FAM193A: variants seen among roughly 807,000 people sequenced by gnomAD.
FAM193A encodes protein FAM193A.
In FAM193A, 22 loss-of-function variants were observed where a neutral mutation model predicts 126.5. That is an observed-to-expected ratio of 0.17 (90% CI 0.12 to 0.25). The LOEUF is 0.25. Ranked by LOEUF, FAM193A falls within the 10% of genes least tolerant of loss-of-function variation. The pLI is 1.00. For synonymous variants in FAM193A, 761 were observed against 646.8 expected (o/e 1.18, Z -2.68); for missense variants, 1,675 against 1,672.8 (o/e 1.00, Z -0.02).
chr4:2,681,279 G>T (rs1293510649), intron 13 of FAM193A, among the ~76,000 whole-genome samples: 2 of 151,264 alleles, frequency 1.3e-5, no homozygotes, highest in Non-Finnish European at 2.9e-5. Context: ...TCTTTTCAAA[G>T]AACTATATTT....
intron 1 of FAM193A, among the ~76,000 whole-genome samples, chr4:2,569,167 T>C (rs901209416): frequency 1.3e-5 from 2 of 151,976 alleles, no homozygotes; most frequent in Non-Finnish European, 2.9e-5. Flanking sequence ...GATGTGGTTT[T>C]GCCATGTTGG....
intron 18 of FAM193A, among the ~76,000 whole-genome samples, chr4:2,697,254 G>A (rs1717146163): frequency 1.3e-5 from 2 of 152,196 alleles, no homozygotes; most frequent in African/African-American, 4.8e-5. Flanking sequence ...TACTCAGGAG[G>A]CTCAGGTGGG....
chr4:2,656,793 T>C (rs886299258), intron 7 of FAM193A, among the ~76,000 whole-genome samples: 3 of 152,226 alleles, frequency 2.0e-5, no homozygotes, highest in Admixed American at 1.3e-4. Context: ...AAATAGCCCA[T>C]GAGCCCCTTG....
chr4:2,643,464 A>G (rs79561475), intron 6 of FAM193A, among the ~76,000 whole-genome samples: 64 of 152,324 alleles, frequency 4.2e-4, no homozygotes, highest in African/African-American at 1.4e-3. Flanking sequence ...GTATATTTCA[A>G]TAACATTAAT....
chr4:2,588,983 G>T (rs1296023130), intron 1 of FAM193A, among the ~76,000 whole-genome samples: 2 of 152,120 alleles, frequency 1.3e-5, no homozygotes, highest in African/African-American at 2.4e-5. Context: ...GCTGTATGGA[G>T]CCTGAATGTA....
chr4:2,683,604 T>C (rs1436234951), intron 13 of FAM193A, among the ~76,000 whole-genome samples: 1 of 152,236 alleles, frequency 6.6e-6, no homozygotes, highest in Non-Finnish European at 1.5e-5. Flanking sequence ...AGATTTTCTC[T>C]TTTTCTTTGG....
chr4:2,633,944 G>T (rs906656598), intron 5 of FAM193A, among the ~76,000 whole-genome samples: 1 of 152,196 alleles, frequency 6.6e-6, no homozygotes, highest in Non-Finnish European at 1.5e-5. Context: ...GCATGAAAGG[G>T]AGTAAGTCGT....
chr4:2,721,155 T>C (rs1577273134), intron 20 of FAM193A, among the ~76,000 whole-genome samples: 1 of 151,196 alleles, frequency 6.6e-6, no homozygotes. Flanking sequence ...CTACTAAAAA[T>C]ACAAAAAATT....
chr4:2,582,504 A>C lies in FAM193A; in HGVS notation c.256-13580A>C, dbSNP rs75509791. On this transcript the variant is annotated intron_variant, in intron 1 of 20. Transcript: ENST00000637812. Reference sequence around the variant, plus strand: ...CTTTCTTTCTTATTTTCATAGTCTTAGTTGCGCATGACTTTTGTCCTAATT... The same window carrying C: ...CTTTCTTTCTTATTTTCATAGTCTTCGTTGCGCATGACTTTTGTCCTAATT... 5.1e-4 allele frequency among the ~76,000 whole-genome samples: 77 copies of C among 151,800 alleles called. 2 individuals carry two copies. In the East Asian group the frequency reaches 0.014, roughly 27 times the overall value.
intron 1 of FAM193A, among the ~76,000 whole-genome samples, chr4:2,583,730 G>A (rs546883619): frequency 6.6e-6 from 1 of 152,296 alleles, no homozygotes; most frequent in South Asian, 2.1e-4. Flanking sequence ...TTACTAGTGT[G>A]TCTGATTGTG....
intron 20 of FAM193A, among the ~76,000 whole-genome samples, chr4:2,723,417 A>G (rs1263840972): frequency 1.3e-5 from 2 of 151,980 alleles, no homozygotes. Context: ...TCTACTGAAA[A>G]TACAAAAATT....
chr4:2,581,438 A>G (rs1000428718), intron 1 of FAM193A, among the ~76,000 whole-genome samples: 7 of 151,024 alleles, frequency 4.6e-5, no homozygotes, highest in African/African-American at 1.7e-4. Context: ...GTATTTTAGT[A>G]CAGATGGGGT....
chr4:2,581,043 G>GCTTAA, intron 1 of FAM193A, among the ~76,000 whole-genome samples: 1 of 151,768 alleles, frequency 6.6e-6, no homozygotes, highest in Non-Finnish European at 1.5e-5. Flanking sequence ...GCAGGAGAAT[G>GCTTAA]GCGTGAACCC....
Position 2,695,059 on chromosome 4 carries a change from C to T in FAM193A, c.3206C>T (p.Ser1069Leu). ...TGCTCTGAGCACAGCTCCAGCACCT[C>T]GACCTCCACCAACCAGAAGGAGGGC... ...DSCSEHSSST[S>L]TSTNQKEGKY... Residue 1069 changes from serine to leucine, a missense_variant, in exon 17 of 21, where the codon TCG becomes TTG. By Grantham distance (145) the Ser-to-Leu change is moderately radical. Around this residue, in one of 4 missense-constraint regions of FAM193A, gnomAD observed 54 missense variants for 114.8 expected, o/e 0.47. Transcript: ENST00000637812. 1 of 1,607,728 alleles carries T rather than the reference C, an allele frequency of 6.2e-7. No individual in the cohort carries two copies.
intron 19 of FAM193A, among the ~76,000 whole-genome samples, chr4:2,705,965 G>C (rs1018631451): frequency 1.3e-5 from 2 of 152,258 alleles, no homozygotes; most frequent in East Asian, 3.9e-4. Context: ...CAGCACTTTG[G>C]GAGGCCAAAG....
chr4:2,569,558 G>C (rs1739172115), intron 1 of FAM193A, among the ~76,000 whole-genome samples: 1 of 152,006 alleles, frequency 6.6e-6, no homozygotes, highest in Admixed American at 6.6e-5. Context: ...GAGTGCAGTG[G>C]CCGATCATGA....
Position 2,690,827 on chromosome 4 carries a change from A to T in FAM193A, c.2660A>T (p.Tyr887Phe). 6.2e-7 allele frequency: 1 copy of T among 1,614,234 alleles called. No homozygotes were observed. Among genetic ancestry groups the T allele is most frequent in the Non-Finnish European group, 8.5e-7 (1 of 1,180,040 alleles). The change falls in exon 15 of 21, where the codon TAC (tyrosine) becomes TTC (phenylalanine). Residue 887 changes from tyrosine (Y) to phenylalanine (F), a missense_variant. By Grantham distance (22) the Tyr-to-Phe change is conservative. Around this residue, in one of 4 missense-constraint regions of FAM193A, gnomAD observed 1,186 missense variants for 1,109.2 expected, o/e 1.07. Coordinates refer to ENST00000637812, the MANE Select transcript of FAM193A (RefSeq NM_001366318.2). Reference sequence around the variant, plus strand: ...AATGCTGCAAAAAAGAAATGTTTATACAATTTCCAAGATGCTTTCATGGAA... The same window carrying T: ...AATGCTGCAAAAAAGAAATGTTTATTCAATTTCCAAGATGCTTTCATGGAA... ...KKNAAKKKCL[Y>F]NFQDAFMEAN...
At chr4:2,630,829 T>C (rs1042874859) in intron 4 of FAM193A, 106 bp from the exon 5 acceptor site, 19 of 643,182 alleles carry the variant, frequency 3.0e-5, no homozygotes, top group Middle Eastern at 8.3e-4. Flanking sequence ...TGTGTGGTCA[T>C]CTAGAGGTGG....
At chr4:2,617,239 A>ATTTTATATATATATATATATT (rs1370769214) in intron 2 of FAM193A, among the ~76,000 whole-genome samples, 1 of 41,374 alleles carries the variant, frequency 2.4e-5, no homozygotes, top group African/African-American at 2.2e-4. Flanking sequence ...GTATGTTTTT[A>ATTTTATATATATATATATATT]TTATATATAT....
Sources: gnomAD v4.1 joint callset for allele counts (sites outside exome capture counted in the v4.1 genomes callset) on GRCh38, gnomAD v4.1.1 for gene constraint, gnomAD v4.1.1 regional missense constraint, MANE v1.5 for transcripts, NCBI Gene and HGNC (gene_info 2026-07-23, HGNC 2026-07-21) for gene names.